The following GFRA1 variants were observed in gnomAD, a reference collection of about 807,000 sequenced individuals.
The protein encoded by GFRA1 is GDNF family receptor alpha-1.
Under a neutral mutation model 51.6 loss-of-function variants are expected in GFRA1, and 16 were observed. The ratio of observed to expected loss-of-function variants is 0.31; its 90% confidence interval spans 0.21 to 0.47. The LOEUF is 0.47. Ranked by LOEUF, GFRA1 falls within the 20% of genes least tolerant of loss-of-function variation. GFRA1 has a pLI of 1.00. For synonymous variants in GFRA1, 270 were observed against 241.3 expected, an observed-to-expected ratio of 1.12 and a Z score of -1.10; for missense variants, 530 against 594.3, an observed-to-expected ratio of 0.89 and a Z score of 1.13.
At chr10:116,165,240 G>T (rs996395626) in intron 5 of GFRA1, among the ~76,000 whole-genome samples, 1 of 152,126 alleles carries the variant, frequency 6.6e-6, no homozygotes, top group Non-Finnish European at 1.5e-5. Context: ...GCTCAAAATA[G>T]CAGACACATG....
At chr10:116,178,366 T>C (rs962993931) in intron 5 of GFRA1, among the ~76,000 whole-genome samples, 4 of 152,116 alleles carry the variant, frequency 2.6e-5, no homozygotes, top group African/African-American at 7.2e-5. Flanking sequence ...GTACTGTTCA[T>C]TAACTACGTC....
chr10:116,092,138 C>CACACACACA (rs1232323825), intron 8 of GFRA1, among the ~76,000 whole-genome samples: 1 of 149,346 alleles, frequency 6.7e-6, no homozygotes, highest in East Asian at 2.0e-4. Context: ...CACACACACA[C>CACACACACA]ATTTTCAGTC....
intron 3 of GFRA1, 26 bp downstream of exon 3, chr10:116,270,796 G>A (rs755703806): frequency 1.3e-6 from 2 of 1,592,918 alleles, no homozygotes; most frequent in South Asian, 2.2e-5. Context: ...GGGACACGGG[G>A]TGGGGTGGGG....
chr10:116,238,234 G>T (rs560938458), intron 4 of GFRA1, among the ~76,000 whole-genome samples: 1 of 152,198 alleles, frequency 6.6e-6, no homozygotes, highest in South Asian at 2.1e-4. Flanking sequence ...CAGGAGAGCC[G>T]TGTCTTTCAA....
At chr10:116,196,465 G>C (rs1236934338) in intron 5 of GFRA1, among the ~76,000 whole-genome samples, 3 of 145,112 alleles carry the variant, frequency 2.1e-5, no homozygotes, top group African/African-American at 7.7e-5. Flanking sequence ...CTCCAGCCAG[G>C]GTGATGGTGC....
chr10:116,187,515 G>T (rs1180241063), intron 5 of GFRA1, among the ~76,000 whole-genome samples: 4 of 152,100 alleles, frequency 2.6e-5, no homozygotes, highest in Non-Finnish European at 5.9e-5. Flanking sequence ...TATTAATAAA[G>T]CCAAATTAAC....
chr10:116,268,538 A>T (rs1969849208), intron 4 of GFRA1, among the ~76,000 whole-genome samples: 1 of 152,210 alleles, frequency 6.6e-6, no homozygotes, highest in Admixed American at 6.5e-5. Flanking sequence ...CCCAAATAAA[A>T]TATCAGTATT....
chr10:116,237,002 T>C (rs2134604861), intron 4 of GFRA1, among the ~76,000 whole-genome samples: 1 of 152,356 alleles, frequency 6.6e-6, no homozygotes, highest in Middle Eastern at 3.4e-3. Flanking sequence ...CTTGCAAAAC[T>C]GTGCTATCAT....
At chr10:116,206,248 C>T (rs1306354729) in intron 5 of GFRA1, among the ~76,000 whole-genome samples, 1 of 152,128 alleles carries the variant, frequency 6.6e-6, no homozygotes, top group Non-Finnish European at 1.5e-5. Context: ...AGAAAACAAT[C>T]TTTCATAATG....
rs992148876 is a variant in GFRA1 at position 116,203,569 on chromosome 10, G to T, written c.433+8062C>A. On this transcript the variant is annotated intron_variant, in intron 5 of 10. Transcript: ENST00000355422. ...GGACATCAGAGAGAGGCAGCTGGGG[G>T]AAGGTGGCACATGGGCACCAGCCCA... Among the ~76,000 whole-genome samples, 6 of 152,328 alleles carry T rather than the reference G, an allele frequency of 3.9e-5. No homozygotes were observed. In the East Asian group the frequency reaches 1.2e-3, roughly 29 times the overall value.
chr10:116,261,849 GC>G (rs1969325574), intron 4 of GFRA1, among the ~76,000 whole-genome samples: 2 of 152,302 alleles, frequency 1.3e-5, no homozygotes, highest in South Asian at 4.1e-4. Context: ...CTAGGCCACT[GC>G]CCTCAAATTA....
intron 4 of GFRA1, chr10:116,255,939 C>G (rs1968809275): frequency 1.3e-5 from 2 of 156,288 alleles, no homozygotes; most frequent in African/African-American, 4.8e-5. Flanking sequence ...CATCTGCGTG[C>G]ACTCAAATCA....
intron 6 of GFRA1, among the ~76,000 whole-genome samples, chr10:116,123,179 G>C (rs1565591877): frequency 6.6e-6 from 1 of 152,200 alleles, no homozygotes; most frequent in Non-Finnish European, 1.5e-5. Flanking sequence ...CAGGTTCCTG[G>C]CTTGCTGAGG....
intron 9 of GFRA1, among the ~76,000 whole-genome samples, chr10:116,070,925 C>T (rs1299934405): frequency 6.6e-6 from 1 of 152,168 alleles, no homozygotes; most frequent in Non-Finnish European, 1.5e-5. Context: ...GCTTTTCCTA[C>T]AAACTTGGTA....
chr10:116,150,489 C>T (rs1265499721), intron 5 of GFRA1, among the ~76,000 whole-genome samples: 2 of 152,162 alleles, frequency 1.3e-5, no homozygotes, highest in Non-Finnish European at 2.9e-5. Flanking sequence ...GGTGTTTGAA[C>T]AGCCCATGCC....
intron 4 of GFRA1, among the ~76,000 whole-genome samples, chr10:116,269,166 G>A (rs909305229): frequency 6.6e-6 from 1 of 152,040 alleles, no homozygotes; most frequent in African/African-American, 2.4e-5. Context: ...GCAGCAAGAA[G>A]AGAATACGAT....
chr10:116,243,005 C>T (rs181581936), intron 4 of GFRA1, among the ~76,000 whole-genome samples: 202 of 152,296 alleles, frequency 1.3e-3, no homozygotes, highest in African/African-American at 4.5e-3. Context: ...TTCCAAATAT[C>T]ACTTGTTTTC....
intron 5 of GFRA1, among the ~76,000 whole-genome samples, chr10:116,147,256 G>A (rs1171028293): frequency 1.3e-5 from 2 of 152,180 alleles, no homozygotes; most frequent in Non-Finnish European, 2.9e-5. Context: ...CTGGGGAACA[G>A]CTAATGGGAG....
At position 116,260,318 on chromosome 10, in the gene GFRA1, T is replaced by G. The variant is rs565413749; in HGVS notation, c.418+9185A>C. On this transcript the variant is annotated intron_variant, in intron 4 of 10. Transcript: ENST00000355422. ...GGAAGATCTTTTTGAGGCAAAATAT[T>G]TTATCATATCCACACTTAACACACT... is the stretch of plus-strand genomic sequence containing the variant. 3.3e-5 allele frequency among the ~76,000 whole-genome samples: 5 copies of G among 152,298 alleles called. No individual in the cohort carries two copies. The South Asian group carries it at 8.3e-4, about 25-fold the overall frequency.
Sources: gnomAD v4.1 joint callset for allele counts (sites outside exome capture counted in the v4.1 genomes callset) on GRCh38, gnomAD v4.1.1 for gene constraint, MANE v1.5 for transcripts, NCBI Gene and HGNC (gene_info 2026-07-23, HGNC 2026-07-21) for gene names.